The following SORCS3 variants were observed in gnomAD, a reference collection of about 807,000 sequenced individuals.
SORCS3 encodes VPS10 domain-containing receptor SorCS3.
A neutral mutation model predicts 146.3 loss-of-function variants in SORCS3; 57 were observed. The observed-to-expected ratio is 0.39, with a 90% CI of 0.31 to 0.49. The LOEUF (loss-of-function observed/expected upper bound fraction) is 0.49, where lower values mean the gene tolerates loss of function less well. SORCS3 is among the 20% of genes least tolerant of loss of function. The pLI, the probability that SORCS3 is intolerant of heterozygous loss-of-function variation, is 0.92. For synonymous variants in SORCS3, 653 were observed against 618.5 expected, an observed-to-expected ratio of 1.06 and a Z score of -0.83; for missense variants, 1,341 against 1,575.5, an observed-to-expected ratio of 0.85 and a Z score of 2.52.
chr10:104,963,303 G>T (rs1024333517), intron 3 of SORCS3, among the ~76,000 whole-genome samples: 11 of 152,152 alleles, frequency 7.2e-5, no homozygotes, highest in African/African-American at 2.7e-4. Context: ...AGTCTGCCTA[G>T]CTCACTCCAC....
chr10:105,255,963 C>T (rs1212360550), intron 24 of SORCS3, among the ~76,000 whole-genome samples, 162 bp downstream of exon 24: 1 of 152,208 alleles, frequency 6.6e-6, no homozygotes, highest in East Asian at 1.9e-4. Context: ...ACATCAGTCA[C>T]ATTGTTCTGA....
intron 2 of SORCS3, among the ~76,000 whole-genome samples, chr10:104,873,492 G>A (rs1343786045): frequency 1.3e-5 from 2 of 152,180 alleles, no homozygotes; most frequent in Admixed American, 1.3e-4. Flanking sequence ...TGTTATACCT[G>A]TTGAGAAGGA....
chr10:105,071,403 C>T (rs2055555484), intron 5 of SORCS3, among the ~76,000 whole-genome samples: 1 of 152,232 alleles, frequency 6.6e-6, no homozygotes, highest in Admixed American at 6.5e-5. Flanking sequence ...GTACAGTGTG[C>T]TGGCACCAGG....
At chr10:105,251,850 C>A (rs1424184107) in intron 22 of SORCS3, among the ~76,000 whole-genome samples, 1 of 152,146 alleles carries the variant, frequency 6.6e-6, no homozygotes, top group East Asian at 1.9e-4. Context: ...GTATTCTCAG[C>A]CTCTTAACCA....
At chr10:105,051,948 C>G (rs373901028) in intron 5 of SORCS3, among the ~76,000 whole-genome samples, 11 of 152,268 alleles carry the variant, frequency 7.2e-5, no homozygotes, top group Middle Eastern at 3.4e-3. Flanking sequence ...GGGGGCTACC[C>G]ATGCTGTATG....
At chr10:104,737,584 G>C (rs2016789515) in intron 1 of SORCS3, among the ~76,000 whole-genome samples, 1 of 152,144 alleles carries the variant, frequency 6.6e-6, no homozygotes, top group Non-Finnish European at 1.5e-5. Flanking sequence ...CTTCTTTTGA[G>C]AAGTGTCTGT....
intron 2 of SORCS3, among the ~76,000 whole-genome samples, chr10:104,907,539 G>A (rs7901032): frequency 0.36 from 54,960 of 152,056 alleles, 12,962 homozygotes; most frequent in African/African-American, 0.67. Flanking sequence ...CTGCTGGTGG[G>A]TCTACAACTT....
intron 3 of SORCS3, among the ~76,000 whole-genome samples, chr10:104,927,607 G>A (rs1024549098): frequency 3.3e-5 from 5 of 152,128 alleles, no homozygotes; most frequent in African/African-American, 7.2e-5. Context: ...AGCTGAGCAC[G>A]GTGGCTCACA....
intron 5 of SORCS3, among the ~76,000 whole-genome samples, chr10:105,061,605 A>T (rs557442595): frequency 5.7e-4 from 86 of 149,644 alleles, no homozygotes; most frequent in African/African-American, 2.0e-3. Context: ...CCCTTTTTTT[A>T]AATAGACCTC....
intron 3 of SORCS3, among the ~76,000 whole-genome samples, chr10:104,949,193 T>C (rs1400833360): frequency 1.3e-5 from 2 of 152,216 alleles, no homozygotes; most frequent in Non-Finnish European, 2.9e-5. Context: ...GTTGGTTTTA[T>C]TTAAAATTGC....
intron 4 of SORCS3, among the ~76,000 whole-genome samples, chr10:105,034,961 G>T (rs887481598): frequency 3.9e-5 from 6 of 152,162 alleles, no homozygotes; most frequent in African/African-American, 1.4e-4. Flanking sequence ...GTCCCCTCTT[G>T]TAGTCACCCT....
intron 4 of SORCS3, among the ~76,000 whole-genome samples, chr10:105,037,282 G>T (rs545288000): frequency 6.6e-6 from 1 of 152,198 alleles, no homozygotes; most frequent in Non-Finnish European, 1.5e-5. Context: ...CTCTGTCATT[G>T]CTGTCTCTCT....
At chr10:104,671,311 G>A (rs1481013183) in intron 1 of SORCS3, among the ~76,000 whole-genome samples, 1 of 51,206 alleles carries the variant, frequency 2.0e-5, no homozygotes, top group African/African-American at 6.6e-5. Context: ...TGTTAAGGTA[G>A]TTTCATTCTT....
chr10:105,236,956 C>G (rs1055865719), intron 20 of SORCS3, among the ~76,000 whole-genome samples: 6 of 152,228 alleles, frequency 3.9e-5, no homozygotes, highest in Middle Eastern at 3.4e-3. Context: ...CTATCTACTA[C>G]CTACCTCATA....
intron 1 of SORCS3, among the ~76,000 whole-genome samples, chr10:104,825,821 G>A (rs1281154631): frequency 2.0e-5 from 3 of 152,134 alleles, no homozygotes; most frequent in African/African-American, 7.2e-5. Flanking sequence ...AGAGTGAATG[G>A]ATTTTTAATT....
chr10:105,216,716 G>T (rs1257038020), intron 18 of SORCS3, among the ~76,000 whole-genome samples: 3 of 152,120 alleles, frequency 2.0e-5, no homozygotes, highest in African/African-American at 7.2e-5. Flanking sequence ...TACCAACTCA[G>T]CTTGCCCCGA....
chr10:104,808,535 A>T lies in SORCS3; in HGVS notation c.628-34257A>T, dbSNP rs532577907. Among the ~76,000 whole-genome samples the T allele has an allele frequency of 2.6e-5, 4 of 152,254 alleles. No homozygotes were observed. In the South Asian group the frequency reaches 6.2e-4, roughly 24 times the overall value. ...GCATTCACCTGTAATGGATGATGGG[A>T]AGGACATTCAGATGGAGGGAAAAAC... On this transcript the variant is annotated intron_variant, in intron 1 of 26. Transcript: ENST00000369701.
Position 105,264,405 on chromosome 10 carries a change from G to T in SORCS3, c.*1031G>T, listed in dbSNP as rs1263417127. Reference sequence around the variant, plus strand: ...AAAATGACAATCTGTTTTTAAATTGGATTCTATGAAAATGCATAATGCTTA... The same window carrying T: ...AAAATGACAATCTGTTTTTAAATTGTATTCTATGAAAATGCATAATGCTTA... On this transcript the variant is annotated 3_prime_UTR_variant, in exon 27 of 27. Transcript: ENST00000369701. The T allele has an allele frequency of 6.6e-6, 1 of 152,170 alleles. No homozygotes were observed. The highest frequency in any genetic ancestry group is 6.5e-5 in the Admixed American group (1 of 15,276). The allele number at this position is 152,170 out of a possible 1,614,324, so 9.4% of individuals were successfully genotyped here.
chr10:104,773,289 T>C (rs1368767264), intron 1 of SORCS3, among the ~76,000 whole-genome samples: 1 of 152,218 alleles, frequency 6.6e-6, no homozygotes, highest in Non-Finnish European at 1.5e-5. Flanking sequence ...AGTTAGGCTA[T>C]GAGTTCCTTG....
Sources: gnomAD v4.1 joint callset for allele counts (sites outside exome capture counted in the v4.1 genomes callset) on GRCh38, gnomAD v4.1.1 for gene constraint, MANE v1.5 for transcripts, NCBI Gene and HGNC (gene_info 2026-07-23, HGNC 2026-07-21) for gene names.